The following RIMS2 variants were observed in gnomAD, a reference collection of about 807,000 sequenced individuals.
RIMS2 encodes the protein regulating synaptic membrane exocytosis protein 2.
In RIMS2, 59 loss-of-function variants were observed where a neutral mutation model predicts 174.4. That is an observed-to-expected ratio of 0.34 (90% CI 0.27 to 0.42). The LOEUF (loss-of-function observed/expected upper bound fraction) is 0.42. Among genes scored for constraint, RIMS2 ranks in the 10% least tolerant of loss-of-function variants. The probability of loss-of-function intolerance (pLI) is 1.00; values close to 1 mark genes in which losing one functional copy is unlikely to be tolerated. For missense variants in RIMS2, 1,620 were observed against 1,666.3 expected, an observed-to-expected ratio of 0.97 and a Z score of 0.48; for synonymous variants, 606 against 572.5, an observed-to-expected ratio of 1.06 and a Z score of -0.84.
chr8:103,689,570 T>C (rs1590379824), intron 1 of RIMS2, among the ~76,000 whole-genome samples: 1 of 152,232 alleles, frequency 6.6e-6, no homozygotes, highest in African/African-American at 2.4e-5. Flanking sequence ...ATAATTGTTA[T>C]ATACTTTTGC....
intron 1 of RIMS2, among the ~76,000 whole-genome samples, chr8:103,621,988 T>G (rs1481608970): frequency 6.6e-6 from 1 of 152,170 alleles, no homozygotes; most frequent in Admixed American, 6.5e-5. Context: ...AATGCTTGTG[T>G]GTATAAAAAT....
At chr8:103,816,400 C>A (rs1480358142) in intron 3 of RIMS2, among the ~76,000 whole-genome samples, 1 of 152,124 alleles carries the variant, frequency 6.6e-6, no homozygotes. Flanking sequence ...GTTTAATGAA[C>A]CGCCTACCCT....
At chr8:103,870,660 A>G (rs1312135082) in intron 3 of RIMS2, among the ~76,000 whole-genome samples, 1 of 152,106 alleles carries the variant, frequency 6.6e-6, no homozygotes, top group African/African-American at 2.4e-5. Context: ...CCCTCAAGAA[A>G]AAAAAAACAT....
intron 1 of RIMS2, among the ~76,000 whole-genome samples, chr8:103,546,566 C>A (rs771938610): frequency 8.5e-5 from 13 of 152,132 alleles, no homozygotes; most frequent in Non-Finnish European, 1.6e-4. Flanking sequence ...CACCCAAAAC[C>A]AACAGAATAT....
chr8:103,522,399 A>T (rs1208719628), intron 1 of RIMS2, among the ~76,000 whole-genome samples: 3 of 152,100 alleles, frequency 2.0e-5, no homozygotes, highest in African/African-American at 7.2e-5. Flanking sequence ...AGCCTCGGTA[A>T]AATAGAAGAA....
At chr8:103,856,976 G>T (rs546188395) in intron 3 of RIMS2, among the ~76,000 whole-genome samples, 25 of 151,964 alleles carry the variant, frequency 1.6e-4, no homozygotes, top group African/African-American at 6.0e-4. Context: ...TCTTTAAAAA[G>T]ATTTCCAATA....
chr8:104,114,767 A>G (rs2098251970), intron 19 of RIMS2, among the ~76,000 whole-genome samples: 1 of 151,992 alleles, frequency 6.6e-6, no homozygotes, highest in Non-Finnish European at 1.5e-5. Context: ...CAGAAATGAC[A>G]GATTAAAATA....
At chr8:103,943,356 A>G (rs2082984039) in intron 14 of RIMS2, among the ~76,000 whole-genome samples, 1 of 152,316 alleles carries the variant, frequency 6.6e-6, no homozygotes, top group Non-Finnish European at 1.5e-5. Flanking sequence ...GGTTGAAACC[A>G]TGAACTTTAA....
chr8:103,806,840 G>C (rs1455901152), intron 3 of RIMS2, among the ~76,000 whole-genome samples: 3 of 152,086 alleles, frequency 2.0e-5, no homozygotes, highest in African/African-American at 7.2e-5. Flanking sequence ...GTGGTGGAGT[G>C]TGAAAGCAAA....
intron 19 of RIMS2, among the ~76,000 whole-genome samples, chr8:104,173,040 A>T (rs2098841239): frequency 6.6e-6 from 1 of 152,164 alleles, no homozygotes; most frequent in Non-Finnish European, 1.5e-5. Flanking sequence ...GTGTCCATAC[A>T]TTTGCTATCT....
intron 1 of RIMS2, among the ~76,000 whole-genome samples, chr8:103,531,162 A>G (rs370393358): frequency 8.5e-5 from 13 of 152,132 alleles, no homozygotes; most frequent in African/African-American, 2.9e-4. Context: ...ACTTTACCCA[A>G]TGACTGCAGA....
chr8:103,885,764 G>T, exon 4 of RIMS2: 3 of 1,612,938 alleles, frequency 1.9e-6, no homozygotes, highest in East Asian at 2.2e-5. Context: ...GCTAAGGATG[G>T]ATCGACCATC....
At chr8:104,134,597 C>T (rs1361367971) in intron 19 of RIMS2, among the ~76,000 whole-genome samples, 1 of 152,164 alleles carries the variant, frequency 6.6e-6, no homozygotes, top group African/African-American at 2.4e-5. Flanking sequence ...GTAAGCTGAA[C>T]CAATTGAGAT....
At chr8:103,511,624 T>G (rs374961231) in intron 1 of RIMS2, among the ~76,000 whole-genome samples, 17 of 152,124 alleles carry the variant, frequency 1.1e-4, no homozygotes, top group African/African-American at 3.9e-4. Context: ...AACTTAGGCA[T>G]GTAAAGATTA....
intron 17 of RIMS2, among the ~76,000 whole-genome samples, chr8:104,012,868 C>T (rs1220970895): frequency 6.6e-6 from 1 of 152,084 alleles, no homozygotes; most frequent in Non-Finnish European, 1.5e-5. Flanking sequence ...GATAGACAGC[C>T]AGTTAACCAG....
chr8:103,659,942 ACTT>A (rs1260261829), intron 1 of RIMS2, among the ~76,000 whole-genome samples: 2 of 152,198 alleles, frequency 1.3e-5, no homozygotes, highest in Non-Finnish European at 2.9e-5. Context: ...GATGATGACT[ACTT>A]CTCCATTGAT....
At chr8:103,620,434 A>G (rs896856778) in intron 1 of RIMS2, among the ~76,000 whole-genome samples, 2 of 152,130 alleles carry the variant, frequency 1.3e-5, no homozygotes, top group African/African-American at 4.8e-5. Flanking sequence ...AAAAGCTATA[A>G]TTTAAAAAAA....
chr8:103,718,857 G>A (rs1291254857), intron 2 of RIMS2, among the ~76,000 whole-genome samples: 4 of 152,060 alleles, frequency 2.6e-5, no homozygotes, highest in African/African-American at 7.2e-5. Context: ...ATTTTTAGTA[G>A]AGATGGAGTT....
At chr8:103,770,785 G>T in intron 3 of RIMS2, among the ~76,000 whole-genome samples, 1 of 150,256 alleles carries the variant, frequency 6.7e-6, no homozygotes, top group African/African-American at 2.5e-5. Context: ...TTCTCTTTCT[G>T]TCTCTCTTTC....
Sources: gnomAD v4.1 joint callset for allele counts (sites outside exome capture counted in the v4.1 genomes callset) on GRCh38, gnomAD v4.1.1 for gene constraint, MANE v1.5 for transcripts, NCBI Gene and HGNC (gene_info 2026-07-23, HGNC 2026-07-21) for gene names.